AGBL1: variants seen among roughly 807,000 people sequenced by gnomAD.
The protein encoded by AGBL1 is cytosolic carboxypeptidase 4.
AGBL1 carries 130 observed loss-of-function variants against 118.9 expected under a neutral mutation model. The observed-to-expected ratio is 1.09, with a 90% CI of 0.95 to 1.26. The LOEUF (loss-of-function observed/expected upper bound fraction) is 1.26, where lower values mean the gene tolerates loss of function less well. Among genes scored for constraint, AGBL1 ranks in the 50% most tolerant of loss-of-function variants. AGBL1 has a pLI of 0.00. For synonymous variants in AGBL1, 555 were observed against 478.9 expected (o/e 1.16, Z -2.08); for missense variants, 1,584 against 1,298.1 (o/e 1.22, Z -3.38).
intron 21 of AGBL1, among the ~76,000 whole-genome samples, chr15:86,608,653 A>G (rs2084617018): frequency 6.6e-6 from 1 of 152,136 alleles, no homozygotes; most frequent in African/African-American, 2.4e-5. Context: ...CCTGGCAGGT[A>G]TCCAGGCAGG....
chr15:86,865,820 C>A (rs1342382995), intron 22 of AGBL1, among the ~76,000 whole-genome samples: 1 of 152,196 alleles, frequency 6.6e-6, no homozygotes. Context: ...CTAGCTCTCC[C>A]TCTTCCTTTC....
intron 23 of AGBL1, among the ~76,000 whole-genome samples, chr15:86,935,611 C>G (rs1488035041): frequency 1.3e-5 from 2 of 152,314 alleles, no homozygotes; most frequent in African/African-American, 4.8e-5. Context: ...CTAATTGGAA[C>G]TTATTTTTCA....
intron 21 of AGBL1, among the ~76,000 whole-genome samples, chr15:86,659,309 A>G (rs2085504835): frequency 6.6e-6 from 1 of 152,192 alleles, no homozygotes; most frequent in Non-Finnish European, 1.5e-5. Context: ...AGCCATTAAT[A>G]AAAAGAATAT....
chr15:86,494,362 A>G (rs1482736978), intron 18 of AGBL1, among the ~76,000 whole-genome samples: 2 of 152,210 alleles, frequency 1.3e-5, no homozygotes, highest in Admixed American at 1.3e-4. Flanking sequence ...GATTTTTCTT[A>G]TAAAGTGTAG....
intron 1 of AGBL1, among the ~76,000 whole-genome samples, chr15:86,106,711 G>A (rs986767663): frequency 6.6e-6 from 1 of 152,136 alleles, no homozygotes; most frequent in African/African-American, 2.4e-5. Context: ...TTACTGATCT[G>A]GGCTGAAACT....
At chr15:86,525,138 G>A (rs1294531953) in intron 19 of AGBL1, among the ~76,000 whole-genome samples, 15 of 148,712 alleles carry the variant, frequency 1.0e-4, no homozygotes, top group African/African-American at 2.1e-4. Context: ...CAAGAACTCC[G>A]TTTTATTAAC....
At chr15:86,182,647 T>A (rs1191311342) in intron 5 of AGBL1, among the ~76,000 whole-genome samples, 1 of 152,168 alleles carries the variant, frequency 6.6e-6, no homozygotes, top group Non-Finnish European at 1.5e-5. Flanking sequence ...TTACCTCCTT[T>A]TTTTGAACTA....
intron 18 of AGBL1, among the ~76,000 whole-genome samples, chr15:86,493,430 A>G (rs955765150): frequency 6.6e-6 from 1 of 152,056 alleles, no homozygotes. Context: ...TAGAAGACAC[A>G]TAGGAGAAGG....
At chr15:86,632,357 C>T (rs1005535891) in intron 21 of AGBL1, among the ~76,000 whole-genome samples, 1 of 151,408 alleles carries the variant, frequency 6.6e-6, no homozygotes, top group Non-Finnish European at 1.5e-5. Flanking sequence ...GCAGGGAAAT[C>T]GCTTGAACCC....
intron 5 of AGBL1, among the ~76,000 whole-genome samples, chr15:86,172,338 C>A (rs2077427407): frequency 6.6e-6 from 1 of 152,120 alleles, no homozygotes; most frequent in African/African-American, 2.4e-5. Context: ...ATATCCATCA[C>A]CTTGGGCAGT....
intron 22 of AGBL1, among the ~76,000 whole-genome samples, chr15:86,904,257 C>T (rs1162493735): frequency 1.3e-5 from 2 of 152,148 alleles, no homozygotes; most frequent in African/African-American, 2.4e-5. Context: ...GAGATCATTG[C>T]CAACTCCACC....
chr15:86,801,636 A>G (rs1356502253), intron 22 of AGBL1, among the ~76,000 whole-genome samples: 2 of 152,090 alleles, frequency 1.3e-5, no homozygotes, highest in Admixed American at 1.3e-4. Flanking sequence ...TTATCTATCT[A>G]GATCTGTTTA....
intron 1 of AGBL1, among the ~76,000 whole-genome samples, chr15:86,081,380 G>A (rs999280286): frequency 2.0e-5 from 3 of 152,134 alleles, no homozygotes; most frequent in African/African-American, 4.8e-5. Context: ...ATTCCTGAAA[G>A]TTTAAGAACC....
chr15:86,494,943 G>C (rs1454125151), intron 18 of AGBL1, among the ~76,000 whole-genome samples: 1 of 119,824 alleles, frequency 8.3e-6, no homozygotes, highest in Non-Finnish European at 1.9e-5. Context: ...ATTTGCTTCA[G>C]GGTTTTTTTT....
chr15:86,283,967 T>G (rs1011058575), intron 16 of AGBL1, among the ~76,000 whole-genome samples: 2 of 152,038 alleles, frequency 1.3e-5, no homozygotes, highest in African/African-American at 4.8e-5. Flanking sequence ...TAGCCTCGGT[T>G]TTCTCATCTG....
intron 21 of AGBL1, among the ~76,000 whole-genome samples, chr15:86,566,540 G>C (rs886226878): frequency 5.9e-5 from 9 of 151,954 alleles, no homozygotes; most frequent in Admixed American, 2.0e-4. Context: ...TTTTATAGCA[G>C]GGAACCTCCT....
intron 17 of AGBL1, among the ~76,000 whole-genome samples, chr15:86,342,994 A>G (rs2080484426): frequency 6.6e-6 from 1 of 152,154 alleles, no homozygotes; most frequent in Non-Finnish European, 1.5e-5. Flanking sequence ...ATTGCTGCAC[A>G]CCATTCAGAT....
At chr15:86,379,053 C>T (rs60949279) in intron 17 of AGBL1, among the ~76,000 whole-genome samples, 1 of 151,610 alleles carries the variant, frequency 6.6e-6, no homozygotes, top group Non-Finnish European at 1.5e-5. Flanking sequence ...GCTGGGACTA[C>T]AGGCACCCAC....
At chr15:86,387,179 G>T (rs137942276) in intron 17 of AGBL1, among the ~76,000 whole-genome samples, 2 of 152,104 alleles carry the variant, frequency 1.3e-5, no homozygotes, top group Admixed American at 6.5e-5. Flanking sequence ...TTACTCTTTC[G>T]CCTGGGGCAT....
Sources: gnomAD v4.1 joint callset for allele counts (sites outside exome capture counted in the v4.1 genomes callset) on GRCh38, gnomAD v4.1.1 for gene constraint, MANE v1.5 for transcripts, NCBI Gene and HGNC (gene_info 2026-07-23, HGNC 2026-07-21) for gene names.